The following PXN variants were observed in gnomAD, a reference collection of about 807,000 sequenced individuals.
PXN encodes testicular tissue protein Li 134.
A neutral mutation model predicts 103.6 loss-of-function variants in PXN; 61 were observed. The observed-to-expected ratio is 0.59, with a 90% CI of 0.48 to 0.73. The LOEUF (loss-of-function observed/expected upper bound fraction) is 0.73, where lower values mean the gene tolerates loss of function less well. PXN is among the 30% of genes least tolerant of loss of function. PXN has a pLI of 0.00. For synonymous variants in PXN, 562 were observed against 607.8 expected, an observed-to-expected ratio of 0.92 and a Z score of 1.11; for missense variants, 1,274 against 1,460.3, an observed-to-expected ratio of 0.87 and a Z score of 2.08.
rs1203819383 is a variant in PXN, at chr12:120,265,607, G to A, written c.13+10C>T. 2.0e-6 allele frequency: 3 copies of A among 1,485,976 alleles called. No homozygotes were observed. The highest frequency in any genetic ancestry group is 2.7e-6 in the Non-Finnish European group (3 of 1,123,788). 92.0% of individuals were successfully genotyped at this position (1,485,976 alleles called of 1,614,324 possible). On this transcript the variant is annotated intron_variant, in intron 1 of 14. Transcript: ENST00000637617. This position sits in a 1 kb window ranked among gnomAD's most constrained non-coding sequence, Gnocchi z 5.7. The stretch of plus-strand genomic sequence containing the variant: ...TCGCCTCCTCCTCCCTCGGCCTCCC[G>A]CTCACTCACCGAGGTCGTCCATGGC...
intron 1 of PXN, among the ~76,000 whole-genome samples, chr12:120,248,468 C>T (rs1233074566): frequency 1.3e-5 from 2 of 149,968 alleles, no homozygotes; most frequent in Non-Finnish European, 2.9e-5. Context: ...CCCAAGCACA[C>T]CATATACAAT....
chr12:120,223,024 T>C (rs747125212), intron 3 of PXN, 25 bp from the exon 4 acceptor site: 13 of 1,613,586 alleles, frequency 8.1e-6, no homozygotes, highest in South Asian at 2.2e-5. Flanking sequence ...GGAAAGAAGA[T>C]AGTGAGAGAT....
chr12:120,254,446 G>A (rs1428097204), intron 1 of PXN, among the ~76,000 whole-genome samples: 4 of 152,200 alleles, frequency 2.6e-5, no homozygotes, highest in African/African-American at 9.6e-5. Flanking sequence ...ATGACTGACA[G>A]GTTAATCTGC....
chr12:120,249,761 C>G (rs1001477431), intron 1 of PXN: 2 of 801,470 alleles, frequency 2.5e-6, no homozygotes, highest in Non-Finnish European at 3.0e-6. Context: ...CAAGTGCCAA[C>G]TTCCAAAGAG....
In PXN at chr12:120,212,470, C is replaced by A. The variant is rs373037203; in HGVS notation, c.3090G>T (p.Lys1030Asn). ...CGGTGATGCAGCGGCCGGTGATGGG[C>A]TTCTGGCAGCCAGAACACAGCGAGC... Reference protein sequence around the residue: ...RRGSLCSGCQKPITGRCITAM... With the variant: ...RRGSLCSGCQNPITGRCITAM... The change falls in exon 15 of 15, where the codon AAG (lysine) becomes AAT (asparagine). Residue 1030 changes from lysine to asparagine, a missense_variant. Lys to Asn is a moderately conservative substitution (Grantham distance 94). Coordinates refer to ENST00000637617, the MANE Select transcript of PXN (RefSeq NM_001385981.1). This position sits in a 1 kb window ranked among gnomAD's most constrained non-coding sequence, Gnocchi z 7.2. 9.3e-6 allele frequency: 15 copies of A among 1,613,878 alleles called. No individual in the cohort carries two copies. The African/African-American group carries it at 9.3e-5, about 10-fold the overall frequency.
Position 120,222,144 on chromosome 12 carries a change from G to A in PXN, c.696-386C>T, listed in dbSNP as rs1041250292. Among the ~76,000 whole-genome samples the A allele has an allele frequency of 6.6e-6, 1 of 152,188 alleles. No individual in the cohort carries two copies. Among genetic ancestry groups the A allele is most frequent in the Non-Finnish European group, 1.5e-5 (1 of 68,022 alleles). The stretch of plus-strand genomic sequence containing the variant: ...CTACACACCAGAAACCATTCCAAGC[G>A]CTTTACATGGATTACTGGTTCTCAC... On this transcript the variant is annotated intron_variant, in intron 5 of 14. Coordinates refer to ENST00000637617, the MANE Select transcript of PXN (RefSeq NM_001385981.1). This position sits in a 1 kb window ranked among gnomAD's most constrained non-coding sequence, Gnocchi z 4.7.
chr12:120,214,156 C>T lies in PXN; in HGVS notation c.2810G>A (p.Gly937Glu), dbSNP rs1881619555. 6.4e-7 allele frequency: 1 copy of T among 1,552,458 alleles called. No homozygotes were observed. Among genetic ancestry groups the T allele is most frequent in the Non-Finnish European group, 8.7e-7 (1 of 1,147,554 alleles). ...HPEHFFCAQC[G>E]AFFGPEGFHE... Reference sequence around the variant, plus strand: ...CGTACCTTCGGGACCAAAGAAGGCTCCACACTGTGCACAGAAGAAGTGTTC... The same window carrying T: ...CGTACCTTCGGGACCAAAGAAGGCTTCACACTGTGCACAGAAGAAGTGTTC... Residue 937 changes from glycine to glutamate, a missense_variant, in exon 13 of 15, where the codon GGA (glycine) becomes GAA (glutamate). By Grantham distance (98) the Gly-to-Glu change is moderately conservative (BLOSUM62 -2). Transcript: ENST00000637617. The surrounding 1 kb of genome is among the most constrained non-coding windows in gnomAD (Gnocchi z 5.0).
intron 1 of PXN, among the ~76,000 whole-genome samples, chr12:120,242,163 A>T (rs1566420739): frequency 6.6e-6 from 1 of 152,128 alleles, no homozygotes; most frequent in Non-Finnish European, 1.5e-5. Context: ...TTCTCTGGCC[A>T]AGGCACCTAT....
At chr12:120,260,791 C>A (rs570737793) in intron 1 of PXN, among the ~76,000 whole-genome samples, 48 of 152,274 alleles carry the variant, frequency 3.2e-4, no homozygotes, top group African/African-American at 1.1e-3. Flanking sequence ...CATGGTGAAA[C>A]CCTGTCTCCA....
At chr12:120,248,492 TCACACACACACACA>T (rs3221954) in intron 1 of PXN, among the ~76,000 whole-genome samples, 1,449 of 127,942 alleles carry the variant, frequency 0.011, 14 homozygotes, top group Non-Finnish European at 0.014. Context: ...CAGATGACTT[TCACACACACACACA>T]CACACACACA....
chr12:120,245,787 C>CAAAA (rs1267541953), intron 1 of PXN, among the ~76,000 whole-genome samples: 13 of 44,974 alleles, frequency 2.9e-4, no homozygotes, highest in Non-Finnish European at 3.7e-4. Context: ...GACTCCATCT[C>CAAAA]AAAAAAAAAA....
chr12:120,215,757 A>C lies in PXN; in HGVS notation c.2302-96T>G. On this transcript the variant is annotated intron_variant, in intron 9 of 14. Transcript: ENST00000637617. This position sits in a 1 kb window ranked among gnomAD's most constrained non-coding sequence, Gnocchi z 4.9. ...CTGGACTAAAAGGGAATCTAGGATG[A>C]GATCTGAGGGTTTCTCCCCCACCGG... 7.3e-7 allele frequency: 1 copy of C among 1,372,882 alleles called. No homozygotes were observed. Among genetic ancestry groups the C allele is most frequent in the Non-Finnish European group, 9.6e-7 (1 of 1,038,594 alleles). The allele number at this position is 1,372,882 out of a possible 1,614,324, so 85.0% of individuals were successfully genotyped here. A position where few individuals can be genotyped will look rare whatever the true frequency, so the allele number is the denominator to read the frequency against.
In PXN at chr12:120,221,639, G is replaced by A. The variant is rs752094289; in HGVS notation, c.815C>T (p.Ser272Leu). The change falls in exon 6 of 15, where the codon TCG (serine) becomes TTG (leucine). Residue 272 changes from serine to leucine, a missense_variant. Ser to Leu is a moderately radical substitution (Grantham distance 145). Around this residue, in one of 2 missense-constraint regions of PXN, gnomAD observed 1,178 missense variants for 1,309.0 expected, o/e 0.90. Transcript: ENST00000637617. The surrounding 1 kb of genome is among the most constrained non-coding windows in gnomAD (Gnocchi z 6.6). ...ATRELDELMA[S>L]LSDFKTSSST... ...ACAGGGCACCTTGAAATCCGACAGC[G>A]AAGCCATCAGCTCGTCCAGCTCCCT... is the stretch of plus-strand genomic sequence containing the variant. The A allele has an allele frequency of 1.4e-5, 22 of 1,562,656 alleles. No homozygotes were observed. Among genetic ancestry groups the A allele is most frequent in the East Asian group, 9.6e-5 (4 of 41,864 alleles).
chr12:120,214,039 T>G lies in PXN; in HGVS notation c.2831-49A>C, dbSNP rs748389280. ...CACAGTTCATTCCGGCTTCCAGAAGTGGAGCCACTCTGACTCCAACCTCAG... is the reference window on the plus strand; with the variant it reads ...CACAGTTCATTCCGGCTTCCAGAAGGGGAGCCACTCTGACTCCAACCTCAG... On this transcript the variant is annotated intron_variant, in intron 13 of 14. Transcript: ENST00000637617. This position sits in a 1 kb window ranked among gnomAD's most constrained non-coding sequence, Gnocchi z 5.0. 5.0e-6 allele frequency: 8 copies of G among 1,597,092 alleles called. No homozygotes were observed. The highest frequency in any genetic ancestry group is 6.8e-6 in the Non-Finnish European group (8 of 1,172,734).
At position 120,215,694 on chromosome 12, in the gene PXN, C is replaced by A. The variant is rs374195776; in HGVS notation, c.2302-33G>T. 3.3e-5 allele frequency: 52 copies of A among 1,568,324 alleles called. No homozygotes were observed. Among genetic ancestry groups the A allele is most frequent in the Non-Finnish European group, 4.3e-5 (50 of 1,161,000 alleles). On this transcript the variant is annotated intron_variant, in intron 9 of 14. Transcript: ENST00000637617. The surrounding 1 kb of genome is among the most constrained non-coding windows in gnomAD (Gnocchi z 4.9). ...AGGGGAAGAGATGAGGGTAAGAAAT[C>A]TTTTTTAAAAATTAAGAAAGAATAC...
chr12:120,217,978 G>A lies in PXN; in HGVS notation c.1717-862C>T, dbSNP rs933494978. Among the ~76,000 whole-genome samples the A allele has an allele frequency of 3.3e-5, 5 of 149,652 alleles. No homozygotes were observed. Among genetic ancestry groups the A allele is most frequent in the Non-Finnish European group, 7.4e-5 (5 of 67,590 alleles). ...ATTATATTATGCTATTATACTTGTT[G>A]GTAGTGTTTTGGGGGTTTTTGGTTG... On this transcript the variant is annotated intron_variant, in intron 7 of 14. Transcript: ENST00000637617. This position sits in a 1 kb window ranked among gnomAD's most constrained non-coding sequence, Gnocchi z 4.1.
rs774463797 is a variant in PXN, at chr12:120,222,921, G to A, written c.435C>T (p.Leu145=). 42 of 1,613,838 alleles carry A rather than the reference G, an allele frequency of 2.6e-5. No individual in the cohort carries two copies. The highest frequency in any genetic ancestry group is 1.2e-4 in the Admixed American group (7 of 59,998). The change falls in exon 4 of 15, where the codon CTC becomes CTT. Residue 145 remains leucine, a synonymous_variant. Transcript: ENST00000637617. This position sits in a 1 kb window ranked among gnomAD's most constrained non-coding sequence, Gnocchi z 4.7. ...STSLGSNLSE[L]DRLLLELNAV... ...CGTTCAGTTCCAGCAGCAGGCGGTCGAGTTCAGAAAGGTTGCTGCCCAGGG... is the reference window on the plus strand; with the variant it reads ...CGTTCAGTTCCAGCAGCAGGCGGTCAAGTTCAGAAAGGTTGCTGCCCAGGG...
Position 120,214,975 on chromosome 12 carries a change from C to G in PXN, c.2598G>C (p.Thr866=). The change falls in exon 12 of 15, where the codon ACG becomes ACC. Residue 866 remains threonine (T), a synonymous_variant. Transcript: ENST00000637617. The surrounding 1 kb of genome is among the most constrained non-coding windows in gnomAD (Gnocchi z 5.0). ...AGQVVTAMGK[T]WHPEHFVCTH... ...TGCAGACGAAGTGCTCGGGGTGCCA[C>G]GTCTTCCCCATGGCGGTCACAACCT... 1.2e-6 allele frequency: 2 copies of G among 1,613,830 alleles called. No homozygotes were observed. The highest frequency in any genetic ancestry group is 8.5e-7 in the Non-Finnish European group (1 of 1,179,806).
At position 120,226,468 on chromosome 12, in the gene PXN, A is replaced by G. The variant is rs117478978; in HGVS notation, c.14-2091T>C. ...GATGAAGTGACAATGCTGGACTCTGATCTCAGGTCTCTTGGACTCCAAACA... is the reference window on the plus strand; with the variant it reads ...GATGAAGTGACAATGCTGGACTCTGGTCTCAGGTCTCTTGGACTCCAAACA... On this transcript the variant is annotated intron_variant, in intron 1 of 14. Coordinates refer to ENST00000637617, the MANE Select transcript of PXN (RefSeq NM_001385981.1). 379 of 1,283,074 alleles carry G rather than the reference A, an allele frequency of 3.0e-4. 3 individuals are homozygous for G. In the East Asian group the frequency reaches 0.017, roughly 58 times the overall value. The allele number at this position is 1,283,074 out of a possible 1,614,324, so 79.5% of individuals were successfully genotyped here.
Sources: allele counts gnomAD v4.1 joint callset (sites outside exome capture counted in the v4.1 genomes callset), GRCh38; gene constraint gnomAD v4.1.1; regional missense constraint gnomAD v4.1.1; non-coding constraint Gnocchi (gnomAD v3.1); transcripts MANE v1.5; gene names NCBI Gene and HGNC (gene_info 2026-07-23, HGNC 2026-07-21).